Variants in ADGRB3 observed in about 807,000 individuals in gnomAD.
ADGRB3 encodes the protein adhesion G protein-coupled receptor B3, also known as brain-specific angiogenesis inhibitor 3.
ADGRB3 carries 37 observed loss-of-function variants against 193.4 expected under a neutral mutation model. That is an observed-to-expected ratio of 0.19 (90% CI 0.15 to 0.25). The LOEUF (loss-of-function observed/expected upper bound fraction) is 0.25. Among genes scored for constraint, ADGRB3 ranks in the 10% least tolerant of loss-of-function variants. The probability of loss-of-function intolerance (pLI) is 1.00; values close to 1 mark genes in which losing one functional copy is unlikely to be tolerated. For missense variants in ADGRB3, 1,637 were observed against 1,852.9 expected (o/e 0.88, Z 2.14); for synonymous variants, 690 against 644.2 (o/e 1.07, Z -1.08).
chr6:69,109,103 T>G (rs916293771), intron 17 of ADGRB3, among the ~76,000 whole-genome samples: 4 of 152,220 alleles, frequency 2.6e-5, no homozygotes, highest in Non-Finnish European at 4.4e-5. Context: ...GATTTATCTC[T>G]TAATAAAACT....
chr6:68,787,450 T>A (rs1330843741), intron 3 of ADGRB3, among the ~76,000 whole-genome samples: 2 of 152,216 alleles, frequency 1.3e-5, no homozygotes, highest in Non-Finnish European at 2.9e-5. Context: ...ATGTGTTGGA[T>A]TACATTTATT....
At chr6:69,059,404 A>G (rs1041340626) in intron 15 of ADGRB3, among the ~76,000 whole-genome samples, 2 of 152,156 alleles carry the variant, frequency 1.3e-5, no homozygotes, top group African/African-American at 2.4e-5. Flanking sequence ...ATCACTTTTT[A>G]TACTCTCTTT....
intron 10 of ADGRB3, among the ~76,000 whole-genome samples, chr6:68,987,792 C>T (rs779455129): frequency 5.9e-5 from 9 of 151,902 alleles, no homozygotes; most frequent in African/African-American, 9.7e-5. Context: ...AGTGAGGTAC[C>T]CCTTATAAAA....
chr6:68,913,175 C>T (rs1263613040), intron 3 of ADGRB3, among the ~76,000 whole-genome samples: 1 of 152,232 alleles, frequency 6.6e-6, no homozygotes, highest in Non-Finnish European at 1.5e-5. Context: ...CCCTGTCTGA[C>T]AGCTCTGAAG....
intron 17 of ADGRB3, among the ~76,000 whole-genome samples, chr6:69,079,479 G>A (rs1421361474): frequency 2.0e-5 from 3 of 152,098 alleles, no homozygotes; most frequent in Middle Eastern, 3.4e-3. Context: ...ATACTGAATG[G>A]GCAAAAGCTA....
rs894717849 is a variant in ADGRB3, at chr6:69,151,980, G to T, written c.2480+75942G>T. Among the ~76,000 whole-genome samples, 3 of 152,066 alleles carry T rather than the reference G, an allele frequency of 2.0e-5. No homozygotes were observed. The East Asian group carries it at 5.8e-4, about 29-fold the overall frequency. The stretch of plus-strand genomic sequence containing the variant: ...CCCCTTTTGCTTGGCACTTATCCTT[G>T]ATGCTGCCATGTGAAGAAGGCCATA... On this transcript the variant is annotated intron_variant, in intron 17 of 31. Transcript: ENST00000370598.
At chr6:69,363,362 T>C (rs1376491622) in intron 29 of ADGRB3, among the ~76,000 whole-genome samples, 3 of 152,016 alleles carry the variant, frequency 2.0e-5, no homozygotes, top group African/African-American at 7.2e-5. Flanking sequence ...TTTTATGAGA[T>C]AGCAGAAAGA....
At chr6:68,863,887 G>A (rs1239347775) in intron 3 of ADGRB3, among the ~76,000 whole-genome samples, 1 of 152,028 alleles carries the variant, frequency 6.6e-6, no homozygotes, top group Admixed American at 6.6e-5. Context: ...ATATTTGTGG[G>A]ATAAAGCGAT....
chr6:68,896,468 G>A (rs567768234), intron 3 of ADGRB3, among the ~76,000 whole-genome samples: 1 of 152,254 alleles, frequency 6.6e-6, no homozygotes, highest in African/African-American at 2.4e-5. Context: ...TTAAAGTTAT[G>A]AAGTAATTAG....
intron 20 of ADGRB3, among the ~76,000 whole-genome samples, chr6:69,291,739 C>T (rs1274087083): frequency 6.6e-6 from 1 of 152,152 alleles, no homozygotes; most frequent in Non-Finnish European, 1.5e-5. Flanking sequence ...TCAGGATACA[C>T]TACCCCCAAA....
chr6:69,259,198 A>G (rs972812462), intron 20 of ADGRB3, among the ~76,000 whole-genome samples: 9 of 152,174 alleles, frequency 5.9e-5, no homozygotes, highest in Non-Finnish European at 1.3e-4. Flanking sequence ...GTACGGTGTA[A>G]ATTAATGCAA....
chr6:68,671,295 A>T (rs2127294124), intron 3 of ADGRB3, among the ~76,000 whole-genome samples: 1 of 152,108 alleles, frequency 6.6e-6, no homozygotes, highest in Non-Finnish European at 1.5e-5. Context: ...TACTATGTTG[A>T]ATAACAGTGG....
intron 3 of ADGRB3, among the ~76,000 whole-genome samples, chr6:68,762,269 A>G (rs544726515): frequency 6.6e-6 from 1 of 151,284 alleles, no homozygotes; most frequent in Non-Finnish European, 1.5e-5. Context: ...TCTCTCTCTC[A>G]GTTTTCTGAT....
intron 3 of ADGRB3, among the ~76,000 whole-genome samples, chr6:68,676,737 A>T (rs2127296329): frequency 6.6e-6 from 1 of 152,278 alleles, no homozygotes; most frequent in African/African-American, 2.4e-5. Context: ...AAGTAAAATG[A>T]CTTTTTAATG....
intron 17 of ADGRB3, among the ~76,000 whole-genome samples, chr6:69,086,607 AT>A (rs930336035): frequency 4.0e-4 from 61 of 152,108 alleles, no homozygotes; most frequent in African/African-American, 1.4e-3. Flanking sequence ...TTAGTGCCAA[AT>A]TTTTTTTGGT....
chr6:69,284,253 C>A (rs559825624), intron 20 of ADGRB3, among the ~76,000 whole-genome samples: 1 of 152,200 alleles, frequency 6.6e-6, no homozygotes, highest in Non-Finnish European at 1.5e-5. Context: ...TTCATCTCGT[C>A]CCTCTGGCAC....
chr6:69,156,960 G>A (rs1236702119), intron 17 of ADGRB3, among the ~76,000 whole-genome samples: 2 of 152,178 alleles, frequency 1.3e-5, no homozygotes, highest in South Asian at 2.1e-4. Context: ...CCTTCCAGCA[G>A]GCCTGAGCTT....
chr6:68,997,779 T>A (rs1053520242), intron 11 of ADGRB3, among the ~76,000 whole-genome samples: 1 of 152,132 alleles, frequency 6.6e-6, no homozygotes, highest in Middle Eastern at 3.2e-3. Context: ...TTGTCATTAT[T>A]ATTTCTAAAA....
intron 3 of ADGRB3, among the ~76,000 whole-genome samples, chr6:68,840,369 CTTTTTTTTTTTTTTTTTTTTTTT>C (rs752625602): frequency 5.8e-5 from 4 of 69,428 alleles, no homozygotes; most frequent in South Asian, 5.8e-4. Flanking sequence ...ACTGGGCAGT[CTTTTTTTTTTTTTTTTTTTTTTT>C]TTTTTTTTTT....
Sources: allele counts gnomAD v4.1 joint callset (sites outside exome capture counted in the v4.1 genomes callset), GRCh38; gene constraint gnomAD v4.1.1; transcripts MANE v1.5; gene names NCBI Gene and HGNC (gene_info 2026-07-23, HGNC 2026-07-21).